The following UNC5D variants were observed in gnomAD, a reference collection of about 807,000 sequenced individuals.
UNC5D encodes netrin receptor UNC5D.
UNC5D carries 39 observed loss-of-function variants against 105.4 expected under a neutral mutation model. The ratio of observed to expected loss-of-function variants is 0.37; its 90% CI spans 0.29 to 0.48. The LOEUF is 0.48. Ranked by LOEUF, UNC5D falls within the 20% of genes least tolerant of loss-of-function variation. UNC5D has a pLI of 0.98. For missense variants in UNC5D, 991 were observed against 1,202.4 expected, an observed-to-expected ratio of 0.82 and a Z score of 2.60; for synonymous variants, 452 against 450.4, an observed-to-expected ratio of 1.00 and a Z score of -0.04.
At chr8:35,742,022 T>C (rs1230632295) in intron 11 of UNC5D, among the ~76,000 whole-genome samples, 2 of 152,212 alleles carry the variant, frequency 1.3e-5, no homozygotes, top group African/African-American at 4.8e-5. Flanking sequence ...AATGTCACTT[T>C]TGTCCTCCAT....
chr8:35,673,123 A>T (rs1385766281), intron 4 of UNC5D, among the ~76,000 whole-genome samples: 1 of 152,222 alleles, frequency 6.6e-6, no homozygotes, highest in Admixed American at 6.5e-5. Flanking sequence ...AGATAAGTAG[A>T]GCTAAATTGA....
chr8:35,502,729 T>G (rs1393497802), intron 1 of UNC5D, among the ~76,000 whole-genome samples: 1 of 151,620 alleles, frequency 6.6e-6, no homozygotes, highest in Admixed American at 6.6e-5. Context: ...CGGCTAATTT[T>G]TTTTTTTTTG....
intron 11 of UNC5D, among the ~76,000 whole-genome samples, chr8:35,737,297 TG>T (rs1563720979): frequency 0.037 from 5,445 of 146,642 alleles, 288 homozygotes; most frequent in African/African-American, 0.1. Context: ...TGTGTGTGTG[TG>T]TGTTAATGTG....
intron 14 of UNC5D, among the ~76,000 whole-genome samples, 187 bp from the exon 15 acceptor site, chr8:35,766,715 C>T (rs1285143022): frequency 1.3e-5 from 2 of 152,210 alleles, no homozygotes; most frequent in African/African-American, 4.8e-5. Flanking sequence ...TGCTGCTTGG[C>T]ATTTGCTGGA....
intron 3 of UNC5D, among the ~76,000 whole-genome samples, chr8:35,582,079 T>C (rs1818496338): frequency 6.6e-6 from 1 of 152,174 alleles, no homozygotes; most frequent in South Asian, 2.1e-4. Context: ...TGAAGAAAAA[T>C]GCAAACCAGA....
chr8:35,738,787 C>T (rs1271996335), intron 11 of UNC5D, among the ~76,000 whole-genome samples: 1 of 152,206 alleles, frequency 6.6e-6, no homozygotes, highest in Admixed American at 6.5e-5. Flanking sequence ...CCTTAAACAA[C>T]TTTTCTCCCT....
At chr8:35,673,831 T>A (rs562610113) in intron 4 of UNC5D, among the ~76,000 whole-genome samples, 24 of 152,198 alleles carry the variant, frequency 1.6e-4, no homozygotes, top group Non-Finnish European at 3.4e-4. Flanking sequence ...CCAGTTGACG[T>A]AGATCCAGTC....
chr8:35,337,261 TTATTTTTTG>T, intron 1 of UNC5D, among the ~76,000 whole-genome samples: 1 of 152,226 alleles, frequency 6.6e-6, no homozygotes, highest in Non-Finnish European at 1.5e-5. Context: ...ATGCAAGACC[TTATTTTTTG>T]ATAAGAGTTT....
intron 1 of UNC5D, among the ~76,000 whole-genome samples, chr8:35,419,928 T>C (rs1805781995): frequency 6.6e-6 from 1 of 151,886 alleles, no homozygotes; most frequent in African/African-American, 2.4e-5. Context: ...CAGCCCTCTG[T>C]GTGTGGGGTG....
At chr8:35,686,467 C>CAACAGCA in intron 6 of UNC5D, 78 bp from the exon 7 acceptor site, 1 of 1,414,720 alleles carries the variant, frequency 7.1e-7, no homozygotes, top group Non-Finnish European at 9.3e-7. Flanking sequence ...AGCTCTAGAA[C>CAACAGCA]AACAGCAGTC....
At chr8:35,783,748 A>C (rs1802613381) in intron 16 of UNC5D, among the ~76,000 whole-genome samples, 1 of 152,182 alleles carries the variant, frequency 6.6e-6, no homozygotes, top group African/African-American at 2.4e-5. Context: ...GTCCTAAAGA[A>C]AGGGTGGTAT....
intron 8 of UNC5D, chr8:35,721,505 C>A (rs776870148): frequency 2.8e-6 from 2 of 702,746 alleles, no homozygotes; most frequent in Non-Finnish European, 5.2e-6. Flanking sequence ...CCTAGCAACC[C>A]GTCCTCTTCC....
rs113548648 is a variant in UNC5D, at chr8:35,524,640, CAAAAAA to C, written c.104-24642_104-24637del. Among the ~76,000 whole-genome samples the C allele has an allele frequency of 1.3e-4, 9 of 71,128 alleles. No individual in the cohort carries two copies. In the South Asian group the frequency reaches 1.9e-3, roughly 15 times the overall value. The allele number at this position is 71,128 out of a possible 152,430, so 46.7% of individuals were successfully genotyped here. ...AAACTAATTCAAGCCATGCCCTGTGCAAAAAAAAAAAAAAAGAAAAAAGAAAAAAGA... is the reference window on the plus strand; with the variant it reads ...AAACTAATTCAAGCCATGCCCTGTGCAAAAAAAAAGAAAAAAGAAAAAAGA... On this transcript the variant is annotated intron_variant, in intron 1 of 16. Coordinates refer to ENST00000404895, the MANE Select transcript of UNC5D (RefSeq NM_080872.4).
intron 1 of UNC5D, among the ~76,000 whole-genome samples, chr8:35,411,883 A>G (rs547344665): frequency 6.6e-6 from 1 of 152,166 alleles, no homozygotes; most frequent in Non-Finnish European, 1.5e-5. Context: ...TTGAATGAGT[A>G]AAATGCTTCA....
intron 1 of UNC5D, among the ~76,000 whole-genome samples, chr8:35,373,133 T>C (rs756405660): frequency 4.6e-5 from 7 of 152,226 alleles, no homozygotes; most frequent in Non-Finnish European, 8.8e-5. Context: ...ACTTCTTCTG[T>C]GGCTTCCTAT....
Position 35,788,368 on chromosome 8 carries a change from A to G in UNC5D, c.2658-1991A>G, listed in dbSNP as rs528387157. 1.4e-3 allele frequency among the ~76,000 whole-genome samples: 210 copies of G among 152,278 alleles called. 3 individuals carry two copies. Among genetic ancestry groups the G allele is most frequent in the Middle Eastern group, 6.8e-3 (2 of 294 alleles). On this transcript the variant is annotated intron_variant, in intron 16 of 16. Transcript: ENST00000404895. ...ATAGGAAATACTTGGCTGGCTCTGG[A>G]AAATCTTTTCAACTCATCAGAATTT...
At chr8:35,577,101 T>A (rs1412399933) in intron 3 of UNC5D, among the ~76,000 whole-genome samples, 1 of 152,172 alleles carries the variant, frequency 6.6e-6, no homozygotes, top group African/African-American at 2.4e-5. Context: ...TTTTCAGAAG[T>A]GTTTTAGATT....
chr8:35,746,809 C>T (rs558167668), intron 11 of UNC5D, among the ~76,000 whole-genome samples: 3 of 152,308 alleles, frequency 2.0e-5, no homozygotes, highest in African/African-American at 7.2e-5. Context: ...ATAAGCATCC[C>T]TGCTATTCCT....
chr8:35,500,335 T>C (rs1811881974), intron 1 of UNC5D, among the ~76,000 whole-genome samples: 1 of 152,114 alleles, frequency 6.6e-6, no homozygotes, highest in Non-Finnish European at 1.5e-5. Context: ...GTAAAGCCAC[T>C]CCCATGATAA....
Sources: allele counts gnomAD v4.1 joint callset (sites outside exome capture counted in the v4.1 genomes callset), GRCh38; gene constraint gnomAD v4.1.1; transcripts MANE v1.5; gene names NCBI Gene and HGNC (gene_info 2026-07-23, HGNC 2026-07-21).